The following PABPC4L variants were observed in gnomAD, a reference collection of about 807,000 sequenced individuals.
The protein encoded by PABPC4L is poly(A) binding protein cytoplasmic 4 like.
For synonymous variants in PABPC4L, 169 were observed against 164.1 expected, an observed-to-expected ratio of 1.03 and a Z score of -0.23; for missense variants, 452 against 451.4, an observed-to-expected ratio of 1.00 and a Z score of -0.01.
Position 134,196,590 on chromosome 4 carries a change from G to A in PABPC4L, c.*3317C>T, listed in dbSNP as rs1330332081. On this transcript the variant is annotated 3_prime_UTR_variant, in exon 2 of 2. Transcript: ENST00000421491. ...GTGAAAGTAGAAACAGTGGCTCAAG[G>A]CATATCTATGTACATTAGCTTTTAC... 1 of 151,590 alleles carries A rather than the reference G, an allele frequency of 6.6e-6. No individual in the cohort carries two copies. Among genetic ancestry groups the A allele is most frequent in the Non-Finnish European group, 1.5e-5 (1 of 67,626 alleles). 9.4% of individuals were successfully genotyped at this position (151,590 alleles called of 1,614,324 possible). A position where few individuals can be genotyped will look rare whatever the true frequency, so the allele number is the denominator to read the frequency against.
the PABPC4L span, among the ~76,000 whole-genome samples, chr4:134,142,330 G>A: frequency 6.6e-6 from 1 of 151,650 alleles, no homozygotes; most frequent in Non-Finnish European, 1.5e-5. Flanking sequence ...TTGTCATCCA[G>A]CAGATGGCAA....
At chr4:134,091,068 G>C in the PABPC4L span, among the ~76,000 whole-genome samples, 3 of 152,016 alleles carry the variant, frequency 2.0e-5, no homozygotes, top group East Asian at 5.8e-4. Flanking sequence ...TTTTGGGGTA[G>C]TATTATTTTA....
the PABPC4L span, among the ~76,000 whole-genome samples, chr4:134,051,638 T>G: frequency 6.6e-6 from 1 of 152,166 alleles, no homozygotes; most frequent in Non-Finnish European, 1.5e-5. Flanking sequence ...AAAGTGTAAA[T>G]AAGCCGAGGG....
the PABPC4L span, among the ~76,000 whole-genome samples, chr4:134,179,376 T>A: frequency 6.6e-6 from 1 of 152,116 alleles, no homozygotes; most frequent in Non-Finnish European, 1.5e-5. Flanking sequence ...TTACAAGAGA[T>A]CCTGAAGGGA....
chr4:134,157,750 C>T, the PABPC4L span, among the ~76,000 whole-genome samples: 25 of 151,836 alleles, frequency 1.6e-4, 1 homozygote, highest in South Asian at 5.2e-3. Flanking sequence ...CTATTTTTAT[C>T]ACTTTTTAAT....
chr4:134,019,516 G>A, the PABPC4L span, among the ~76,000 whole-genome samples: 10 of 152,128 alleles, frequency 6.6e-5, no homozygotes, highest in Admixed American at 3.9e-4. Flanking sequence ...ACATAGTAGA[G>A]CACTACCAGA....
the PABPC4L span, among the ~76,000 whole-genome samples, chr4:134,081,234 T>C: frequency 6.6e-6 from 1 of 151,984 alleles, no homozygotes; most frequent in Non-Finnish European, 1.5e-5. Flanking sequence ...TGTGAATAGA[T>C]GTGGTGGAAT....
At chr4:134,025,021 C>A in the PABPC4L span, among the ~76,000 whole-genome samples, 1 of 147,494 alleles carries the variant, frequency 6.8e-6, no homozygotes, top group Non-Finnish European at 1.5e-5. Context: ...ATCTTTCTAC[C>A]TTGGCCTGCC....
the PABPC4L span, among the ~76,000 whole-genome samples, chr4:134,036,332 A>G: frequency 6.6e-6 from 1 of 152,116 alleles, no homozygotes; most frequent in African/African-American, 2.4e-5. Flanking sequence ...GCACAGATAA[A>G]GCATATTCAT....
At chr4:134,131,108 A>C in the PABPC4L span, among the ~76,000 whole-genome samples, 4 of 152,122 alleles carry the variant, frequency 2.6e-5, 1 homozygote, top group Non-Finnish European at 5.9e-5. Flanking sequence ...AAAAGTTGAA[A>C]GCATCCCCCC....
the PABPC4L span, among the ~76,000 whole-genome samples, chr4:134,100,557 G>C: frequency 6.6e-6 from 1 of 151,470 alleles, no homozygotes; most frequent in African/African-American, 2.4e-5. Context: ...ATGCAACCTG[G>C]GTGCACACGC....
chr4:134,091,879 C>G, the PABPC4L span, among the ~76,000 whole-genome samples: 1 of 151,970 alleles, frequency 6.6e-6, no homozygotes, highest in Admixed American at 6.6e-5. Flanking sequence ...ATATTACTTT[C>G]TTAATGTAGC....
chr4:134,092,961 T>G, the PABPC4L span, among the ~76,000 whole-genome samples: 6 of 152,110 alleles, frequency 3.9e-5, no homozygotes, highest in Non-Finnish European at 8.8e-5. Flanking sequence ...TGAGGTTAAT[T>G]TTGATAAACT....
At chr4:134,045,106 T>C in the PABPC4L span, among the ~76,000 whole-genome samples, 2 of 152,184 alleles carry the variant, frequency 1.3e-5, no homozygotes, top group Non-Finnish European at 2.9e-5. Context: ...AAAGTAATAA[T>C]GCATATAAAA....
chr4:134,099,509 C>T, the PABPC4L span, among the ~76,000 whole-genome samples: 1 of 151,634 alleles, frequency 6.6e-6, no homozygotes, highest in Non-Finnish European at 1.5e-5. Context: ...TGCTAGAATT[C>T]CAGATGATAC....
the PABPC4L span, among the ~76,000 whole-genome samples, chr4:134,177,878 C>G: frequency 6.6e-6 from 1 of 152,100 alleles, no homozygotes; most frequent in East Asian, 2.0e-4. Context: ...ATGACCCCAC[C>G]CTCCCCCACC....
the PABPC4L span, among the ~76,000 whole-genome samples, chr4:134,062,315 A>AT: frequency 9.5e-3 from 1,446 of 152,030 alleles, 25 homozygotes; most frequent in African/African-American, 0.033. Flanking sequence ...AGGTCAGTAT[A>AT]TTTTTTGCAG....
chr4:133,957,510 G>A, the PABPC4L span, among the ~76,000 whole-genome samples: 2 of 152,172 alleles, frequency 1.3e-5, no homozygotes, highest in African/African-American at 2.4e-5. Flanking sequence ...TATGGTGCAA[G>A]TTGTCAGTGG....
chr4:134,139,914 A>G, the PABPC4L span, among the ~76,000 whole-genome samples: 1 of 152,034 alleles, frequency 6.6e-6, no homozygotes, highest in Non-Finnish European at 1.5e-5. Context: ...GTAGCAGGAC[A>G]ACCAGAAATT....
Sources: allele counts gnomAD v4.1 joint callset (sites outside exome capture counted in the v4.1 genomes callset), GRCh38; gene constraint gnomAD v4.1.1; transcripts MANE v1.5; gene names NCBI Gene and HGNC (gene_info 2026-07-23, HGNC 2026-07-21).